The following DSG1 variants were observed in gnomAD, a reference collection of about 807,000 sequenced individuals.
DSG1 encodes the protein desmoglein-1.
DSG1 carries 39 observed loss-of-function variants against 97.5 expected under a neutral mutation model. The observed-to-expected ratio is 0.40, with a 90% confidence interval of 0.31 to 0.52. The LOEUF is 0.52. Among genes scored for constraint, DSG1 ranks in the 20% least tolerant of loss-of-function variants. DSG1 has a pLI of 0.53. For missense variants in DSG1, 1,311 were observed against 1,295.4 expected, an observed-to-expected ratio of 1.01 and a Z score of -0.18; for synonymous variants, 475 against 443.4, an observed-to-expected ratio of 1.07 and a Z score of -0.90.
intron 9 of DSG1, among the ~76,000 whole-genome samples, chr18:31,336,942 G>A (rs2071759011): frequency 6.6e-6 from 1 of 152,150 alleles, no homozygotes; most frequent in African/African-American, 2.4e-5. Flanking sequence ...AGAGTTTAAG[G>A]AATGATTTTC....
At position 31,354,384 on chromosome 18, in the gene DSG1, G is replaced by A. The variant is rs147959081; in HGVS notation, c.2188G>A (p.Ala730Thr). The A allele has an allele frequency of 6.2e-7, 1 of 1,614,232 alleles. No individual in the cohort carries two copies. The highest frequency in any genetic ancestry group is 1.1e-5 in the South Asian group (1 of 91,088). Residue 730 changes from alanine to threonine, a missense_variant, in exon 15 of 15, where the codon GCT becomes ACT. Transcript: ENST00000257192. ...IYDIEGVGSPAGSVGCCSFIG... is the reference protein window; with the variant it reads ...IYDIEGVGSPTGSVGCCSFIG... ...TGACATCGAAGGTGTAGGTTCCCCT[G>A]CTGGCTCTGTGGGTTGTTGTAGCTT...
rs3752095 is a variant in DSG1, at chr18:31,354,718, A to T, written c.2522A>T (p.Tyr841Phe). The T allele has an allele frequency of 0.13, 217,596 of 1,613,964 alleles. 15,211 individuals are homozygous for T. Among genetic ancestry groups the T allele is most frequent in the Middle Eastern group, 0.22 (1,349 of 6,062 alleles). ...GGTAATGTCACTGTGACCGAGTCTTACACCACCTCTGACACTCTGAAGCCC... is the reference window on the plus strand; with the variant it reads ...GGTAATGTCACTGTGACCGAGTCTTTCACCACCTCTGACACTCTGAAGCCC... ...GYGNVTVTESYTTSDTLKPSV... is the reference protein window; with the variant it reads ...GYGNVTVTESFTTSDTLKPSV... Residue 841 changes from tyrosine to phenylalanine, a missense_variant, in exon 15 of 15, where the codon TAC (tyrosine) becomes TTC (phenylalanine). By Grantham distance (22) the Tyr-to-Phe change is conservative (BLOSUM62 3). Around this residue, in one of 3 missense-constraint regions of DSG1, gnomAD observed 1,038 missense variants for 964.6 expected, o/e 1.08. Coordinates refer to ENST00000257192, the MANE Select transcript of DSG1 (RefSeq NM_001942.4).
chr18:31,342,041 C>G (rs1360193303), intron 11 of DSG1, among the ~76,000 whole-genome samples: 2 of 151,944 alleles, frequency 1.3e-5, no homozygotes, highest in African/African-American at 4.8e-5. Flanking sequence ...TCAAGCGATT[C>G]TCCTGCCTCA....
In DSG1 at chr18:31,346,004, G is replaced by A; in HGVS notation, c.1906G>A (p.Glu636Lys). 1 of 1,613,572 alleles carries A rather than the reference G, an allele frequency of 6.2e-7. No homozygotes were observed. The highest frequency in any genetic ancestry group is 2.2e-5 in the East Asian group (1 of 44,850). ...CIDNSGVYTN[E>K]YGGREMQDLG... ...AACACTTTTAGGAGTTTATACAAAT[G>A]AGTATGGTGGCAGAGAAATGCAAGA... The change falls in exon 14 of 15, where the codon GAG (glutamate) becomes AAG (lysine). Residue 636 changes from glutamate to lysine, a missense_variant. Physicochemically the swap from Glu to Lys is moderately conservative, Grantham distance 56 (BLOSUM62 1). This residue lies in a region of DSG1 where 1,038 missense variants were observed against 964.6 expected (regional missense o/e 1.08). Transcript: ENST00000257192.
intron 1 of DSG1, among the ~76,000 whole-genome samples, chr18:31,324,219 T>C (rs924454415): frequency 6.6e-6 from 1 of 151,796 alleles, no homozygotes. Flanking sequence ...CCTGACCTCG[T>C]GATCCACCCG....
intron 7 of DSG1, 59 bp from the exon 8 acceptor site, chr18:31,333,958 T>C (rs1471475683): frequency 2.4e-6 from 3 of 1,261,374 alleles, no homozygotes; most frequent in Admixed American, 3.5e-5. Context: ...AGTATAAGCC[T>C]ACTGTAGTTC....
intron 14 of DSG1, among the ~76,000 whole-genome samples, chr18:31,348,465 C>G (rs1273381746): frequency 1.3e-5 from 2 of 151,080 alleles, no homozygotes; most frequent in Non-Finnish European, 2.9e-5. Context: ...ATGATTTATT[C>G]TCCTTTGGGT....
At chr18:31,339,365 A>G (rs1346156080) in intron 10 of DSG1, among the ~76,000 whole-genome samples, 1 of 152,104 alleles carries the variant, frequency 6.6e-6, no homozygotes, top group Admixed American at 6.5e-5. Flanking sequence ...ATAATTAAGG[A>G]CAAAAGATCA....
chr18:31,334,127 C>T lies in DSG1; in HGVS notation c.930C>T (p.Ile310=), dbSNP rs771271516. Residue 310 remains isoleucine, a synonymous_variant, in exon 8 of 15, where the codon ATC becomes ATT. Coordinates refer to ENST00000257192, the MANE Select transcript of DSG1 (RefSeq NM_001942.4). ...ACTGGATGGCAGTAATTTTCTTTAT[C>T]TCTGGAAATGAAGGAAATTGGTTTG... is the stretch of plus-strand genomic sequence containing the variant. The part of the protein sequence containing the change: ...SANWMAVIFF[I]SGNEGNWFEI... 1.2e-6 allele frequency: 2 copies of T among 1,609,696 alleles called. No homozygotes were observed. Among genetic ancestry groups the T allele is most frequent in the Non-Finnish European group, 1.7e-6 (2 of 1,176,304 alleles).
rs1435335540 is a variant in DSG1 at position 31,318,273 on chromosome 18, G to A, written c.-28G>A. 2.5e-6 allele frequency: 4 copies of A among 1,604,224 alleles called. No individual in the cohort carries two copies. The highest frequency in any genetic ancestry group is 2.7e-5 in the African/African-American group (2 of 74,744). ...GAGAAGAACAAACAAAACTCCCTTG[G>A]TCTTGGATGTAAGAGAATCCAGCAG... On this transcript the variant is annotated 5_prime_UTR_variant, in exon 1 of 15. Transcript: ENST00000257192.
In DSG1 at chr18:31,346,218, G is replaced by T; in HGVS notation, c.2100+20G>T. On this transcript the variant is annotated intron_variant, in intron 14 of 14. Coordinates refer to ENST00000257192, the MANE Select transcript of DSG1 (RefSeq NM_001942.4). ...TGTCAGGTAAGGTCCCTAGCCACAT[G>T]CCTTTCTCGCCATCCATGTGCCTGC... 6.3e-7 allele frequency: 1 copy of T among 1,591,162 alleles called. No homozygotes were observed. Among genetic ancestry groups the T allele is most frequent in the South Asian group, 1.1e-5 (1 of 90,406 alleles).
At chr18:31,344,837 TG>T (rs2071818387) in intron 13 of DSG1, among the ~76,000 whole-genome samples, 1 of 152,226 alleles carries the variant, frequency 6.6e-6, no homozygotes, top group South Asian at 2.1e-4. Context: ...TAAATACTAT[TG>T]GTTAGCTTAT....
Position 31,354,307 on chromosome 18 carries a change from C to G in DSG1, c.2111C>G (p.Ala704Gly), listed in dbSNP as rs538892442. The G allele has an allele frequency of 6.2e-7, 1 of 1,614,064 alleles. No individual in the cohort carries two copies. Among genetic ancestry groups the G allele is most frequent in the Admixed American group, 1.7e-5 (1 of 60,024 alleles). ...CTCCTATAAATTCAGAAAGCATATG[C>G]TTACGCAGATGAAGATGAAGGACGC... ...MESYFCQKAY[A>G]YADEDEGRPS... The change falls in exon 15 of 15, where the codon GCT becomes GGT. Residue 704 changes from alanine to glycine, a missense_variant. Physicochemically the swap from Ala to Gly is moderately conservative, Grantham distance 60. Transcript: ENST00000257192.
chr18:31,325,086 G>T (rs145381804), intron 1 of DSG1, among the ~76,000 whole-genome samples: 359 of 152,272 alleles, frequency 2.4e-3, no homozygotes, highest in African/African-American at 8.2e-3. Context: ...GAGTGACTTT[G>T]TATCAGAGTT....
In DSG1 at chr18:31,356,770, T is replaced by C. The variant is rs1395028948; in HGVS notation, c.*1424T>C. On this transcript the variant is annotated 3_prime_UTR_variant, in exon 15 of 15. Coordinates refer to ENST00000257192, the MANE Select transcript of DSG1 (RefSeq NM_001942.4). ...TATATATGCTGATTTATAGGTAGTG[T>C]CCAAATTATATAGTATAACATATTT... 1 of 152,154 alleles carries C rather than the reference T, an allele frequency of 6.6e-6. No individual in the cohort carries two copies. The highest frequency in any genetic ancestry group is 1.5e-5 in the Non-Finnish European group (1 of 68,024). 9.4% of individuals were successfully genotyped at this position (152,154 alleles called of 1,614,324 possible).
chr18:31,347,221 G>A (rs10502566), intron 14 of DSG1, among the ~76,000 whole-genome samples: 19,692 of 152,160 alleles, frequency 0.13, 1,302 homozygotes, highest in Middle Eastern at 0.26. Context: ...AATGAGGCTT[G>A]TTGAAAACCA....
chr18:31,346,039 A>G lies in DSG1; in HGVS notation c.1941A>G (p.Gly647=). 6.2e-7 allele frequency: 1 copy of G among 1,613,938 alleles called. No individual in the cohort carries two copies. The highest frequency in any genetic ancestry group is 8.5e-7 in the Non-Finnish European group (1 of 1,179,886). The stretch of plus-strand genomic sequence containing the variant: ...GCAGAGAAATGCAAGATCTGGGAGG[A>G]GGAGAGAGAATGACAGGATTTGAAC... ...YGGREMQDLG[G]GERMTGFELT... The change falls in exon 14 of 15, where the codon GGA becomes GGG. Residue 647 remains glycine, a synonymous_variant. Transcript: ENST00000257192.
intron 14 of DSG1, among the ~76,000 whole-genome samples, chr18:31,353,040 G>A (rs1391900579): frequency 6.7e-6 from 1 of 149,690 alleles, no homozygotes; most frequent in Non-Finnish European, 1.5e-5. Flanking sequence ...GAGGAGGAGA[G>A]GTGCTCTGCT....
rs371998253 is a variant in DSG1, at chr18:31,318,293, C to T, written c.-8C>T. 2.5e-6 allele frequency: 4 copies of T among 1,612,674 alleles called. No homozygotes were observed. Among genetic ancestry groups the T allele is most frequent in the Non-Finnish European group, 3.4e-6 (4 of 1,178,758 alleles). On this transcript the variant is annotated 5_prime_UTR_variant, in exon 1 of 15. Coordinates refer to ENST00000257192, the MANE Select transcript of DSG1 (RefSeq NM_001942.4). ...CCTTGGTCTTGGATGTAAGAGAATC[C>T]AGCAGAGATGGACTGGAGTTTCTTC...
Sources: gnomAD v4.1 joint callset for allele counts (sites outside exome capture counted in the v4.1 genomes callset) on GRCh38, gnomAD v4.1.1 for gene constraint, gnomAD v4.1.1 regional missense constraint, MANE v1.5 for transcripts, NCBI Gene and HGNC (gene_info 2026-07-23, HGNC 2026-07-21) for gene names.